The following ADAMTS9 variants were observed in gnomAD, a reference collection of about 807,000 sequenced individuals.
ADAMTS9 encodes A disintegrin and metalloproteinase with thrombospondin motifs 9.
Under a neutral mutation model 257.1 loss-of-function variants are expected in ADAMTS9, and 107 were observed. The observed-to-expected ratio is 0.42, with a 90% confidence interval of 0.36 to 0.49. The LOEUF (loss-of-function observed/expected upper bound fraction) is 0.49, where lower values mean the gene tolerates loss of function less well. Ranked by LOEUF, ADAMTS9 falls within the 20% of genes least tolerant of loss-of-function variation. The pLI is 0.03. For missense variants in ADAMTS9, 2,353 were observed against 2,469.1 expected, an observed-to-expected ratio of 0.95 and a Z score of 1.00; for synonymous variants, 982 against 880.9, an observed-to-expected ratio of 1.11 and a Z score of -2.03.
At chr3:64,665,710 T>A (rs1701337892) in intron 3 of ADAMTS9, among the ~76,000 whole-genome samples, 1 of 152,188 alleles carries the variant, frequency 6.6e-6, no homozygotes, top group African/African-American at 2.4e-5. Context: ...ATTGCATTTC[T>A]GACATCCAAC....
At chr3:64,517,893 C>T (rs2082800821) in intron 39 of ADAMTS9, among the ~76,000 whole-genome samples, 1 of 152,100 alleles carries the variant, frequency 6.6e-6, no homozygotes, top group South Asian at 2.1e-4. Flanking sequence ...CCTTCTTGTC[C>T]TTTGGGAACC....
intron 31 of ADAMTS9, among the ~76,000 whole-genome samples, chr3:64,548,647 A>G (rs777854089): frequency 4.6e-5 from 7 of 152,170 alleles, no homozygotes; most frequent in Non-Finnish European, 8.8e-5. Flanking sequence ...CTGAGCCCCA[A>G]ATATGGTCAG....
intron 12 of ADAMTS9, among the ~76,000 whole-genome samples, chr3:64,635,208 G>T (rs958630242): frequency 5.9e-5 from 9 of 152,146 alleles, no homozygotes; most frequent in African/African-American, 2.2e-4. Context: ...AGAGAAGCTT[G>T]TCCTGATACT....
intron 23 of ADAMTS9, among the ~76,000 whole-genome samples, chr3:64,606,604 G>C (rs1261633078): frequency 6.6e-6 from 1 of 152,080 alleles, no homozygotes; most frequent in Non-Finnish European, 1.5e-5. Flanking sequence ...CTTGTGAGCT[G>C]GTACAAGTTA....
intron 2 of ADAMTS9, among the ~76,000 whole-genome samples, chr3:64,684,231 G>T (rs1701833809): frequency 6.6e-6 from 1 of 152,176 alleles, no homozygotes; most frequent in Non-Finnish European, 1.5e-5. Flanking sequence ...CGAGGAGAAA[G>T]ACTGGAGAAG....
At chr3:64,577,303 C>G (rs550157408) in intron 28 of ADAMTS9, among the ~76,000 whole-genome samples, 23 of 152,130 alleles carry the variant, frequency 1.5e-4, no homozygotes, top group Non-Finnish European at 2.8e-4. Flanking sequence ...CTGTTGATTC[C>G]TTATTCCCAA....
chr3:64,662,953 G>A (rs565945783), intron 3 of ADAMTS9, among the ~76,000 whole-genome samples: 41 of 152,140 alleles, frequency 2.7e-4, no homozygotes, highest in Admixed American at 9.2e-4. Context: ...GCCTTCAGCC[G>A]ATGTGTATGA....
intron 28 of ADAMTS9, among the ~76,000 whole-genome samples, chr3:64,570,162 T>C (rs67104197): frequency 0.16 from 24,790 of 152,240 alleles, 3,092 homozygotes; most frequent in East Asian, 0.44. Context: ...CAAACATTTA[T>C]AGAGCACCTA....
At chr3:64,631,286 G>C (rs905066896) in intron 16 of ADAMTS9, among the ~76,000 whole-genome samples, 169 bp downstream of exon 16, 2 of 152,192 alleles carry the variant, frequency 1.3e-5, no homozygotes, top group African/African-American at 4.8e-5. Context: ...TACTCTGAGG[G>C]CGTATGTATG....
chr3:64,619,747 T>A (rs912127285), intron 19 of ADAMTS9, among the ~76,000 whole-genome samples: 1 of 152,158 alleles, frequency 6.6e-6, no homozygotes, highest in Non-Finnish European at 1.5e-5. Context: ...CTGGGGAATA[T>A]AGTGATAATT....
intron 12 of ADAMTS9, among the ~76,000 whole-genome samples, chr3:64,636,112 G>A (rs925543156): frequency 1.3e-5 from 2 of 151,780 alleles, no homozygotes; most frequent in African/African-American, 2.4e-5. Context: ...TATATGACAC[G>A]TCTTAGCTGA....
rs369163427 is a variant in ADAMTS9, at chr3:64,613,542, T to G, written c.3190-33A>C. ...GAAAAGCGGAGCTAGTCAGGGTCAT[T>G]TCTGATCAATGTGTTGTGGTTTCTG... On this transcript the variant is annotated intron_variant, in intron 21 of 39. Transcript: ENST00000498707. 163 of 1,597,044 alleles carry G rather than the reference T, an allele frequency of 1.0e-4. No individual in the cohort carries two copies. The African/African-American group carries it at 2.1e-3, about 20-fold the overall frequency.
intron 3 of ADAMTS9, among the ~76,000 whole-genome samples, chr3:64,677,596 G>C (rs1453790281): frequency 6.6e-6 from 1 of 152,030 alleles, no homozygotes; most frequent in East Asian, 1.9e-4. Flanking sequence ...CCTCATTGTG[G>C]TGTTTTGTTT....
At chr3:64,616,989 T>C (rs1169502177) in intron 19 of ADAMTS9, among the ~76,000 whole-genome samples, 1 of 152,160 alleles carries the variant, frequency 6.6e-6, no homozygotes, top group East Asian at 1.9e-4. Context: ...ATCTTGGAAT[T>C]TCTCATGAAT....
intron 39 of ADAMTS9, chr3:64,521,406 T>G (rs1429423088): frequency 6.6e-6 from 1 of 152,138 alleles, no homozygotes; most frequent in African/African-American, 2.4e-5. Context: ...GAACTAAAAA[T>G]ATAACTACCA....
chr3:64,623,542 T>A lies in ADAMTS9; in HGVS notation c.2390-956A>T, dbSNP rs531368506. Among the ~76,000 whole-genome samples, 29 of 152,292 alleles carry A rather than the reference T, an allele frequency of 1.9e-4. No homozygotes were observed. The South Asian group carries it at 5.8e-3, about 30-fold the overall frequency. On this transcript the variant is annotated intron_variant, in intron 16 of 39. Transcript: ENST00000498707. ...ACACCCGTATATGCTGCTCCCAAAT[T>A]CCTTACATGAGAAACTGAGAGATAG...
intron 10 of ADAMTS9, among the ~76,000 whole-genome samples, chr3:64,648,255 A>G (rs1700845484): frequency 6.6e-6 from 1 of 152,206 alleles, no homozygotes; most frequent in Admixed American, 6.5e-5. Flanking sequence ...TGTACCCACC[A>G]CCAAGCTAAG....
chr3:64,618,052 T>C (rs1418985853), intron 19 of ADAMTS9, among the ~76,000 whole-genome samples: 1 of 152,184 alleles, frequency 6.6e-6, no homozygotes, highest in Non-Finnish European at 1.5e-5. Context: ...TGAACGATTT[T>C]ATTTTCCCAA....
chr3:64,615,865 C>T (rs891985763), intron 20 of ADAMTS9, 95 bp downstream of exon 20: 118 of 1,441,522 alleles, frequency 8.2e-5, no homozygotes, highest in East Asian at 6.8e-4. Context: ...TCATCTCTTC[C>T]GCACAGCCTA....
Sources: gnomAD v4.1 joint callset for allele counts (sites outside exome capture counted in the v4.1 genomes callset) on GRCh38, gnomAD v4.1.1 for gene constraint, MANE v1.5 for transcripts, NCBI Gene and HGNC (gene_info 2026-07-23, HGNC 2026-07-21) for gene names.